PARVB: variants seen among roughly 807,000 people sequenced by gnomAD.
PARVB encodes beta-parvin.
In PARVB, 46 loss-of-function variants were observed where a neutral mutation model predicts 47.0. The ratio of observed to expected loss-of-function variants is 0.98; its 90% CI spans 0.77 to 1.25. PARVB has a LOEUF of 1.25. Among genes scored for constraint, PARVB ranks in the 50% most tolerant of loss-of-function variants. The pLI is 0.00. For missense variants in PARVB, 473 were observed against 471.6 expected (o/e 1.00, Z -0.03); for synonymous variants, 196 against 196.3 (o/e 1.00, Z 0.01).
chr22:44,008,478 T>G (rs919933357), intron 2 of PARVB, among the ~76,000 whole-genome samples: 11 of 152,230 alleles, frequency 7.2e-5, no homozygotes, highest in Admixed American at 3.3e-4. Context: ...AGCATGCTTC[T>G]GAGAAAAAAA....
chr22:44,075,035 A>G (rs916630147), intron 1 of PARVB, among the ~76,000 whole-genome samples: 2 of 152,158 alleles, frequency 1.3e-5, no homozygotes, highest in African/African-American at 4.8e-5. Flanking sequence ...CCTGGCCTCT[A>G]CACACGAGGT....
intron 4 of PARVB, among the ~76,000 whole-genome samples, chr22:44,126,245 A>G (rs1200304977): frequency 6.6e-6 from 1 of 152,226 alleles, no homozygotes; most frequent in Non-Finnish European, 1.5e-5. Context: ...ATTAACATCT[A>G]TATTTGGCTA....
At chr22:44,104,323 A>C (rs2052520011) in intron 3 of PARVB, 1 of 152,212 alleles carries the variant, frequency 6.6e-6, no homozygotes, top group South Asian at 2.1e-4. Context: ...ATTTTCCAAA[A>C]TAAGCATAGA....
chr22:44,083,603 G>A (rs2051957785), intron 1 of PARVB, among the ~76,000 whole-genome samples: 1 of 152,166 alleles, frequency 6.6e-6, no homozygotes, highest in Admixed American at 6.5e-5. Context: ...GACCTGAAGT[G>A]AAGGGCATTG....
intron 2 of PARVB, among the ~76,000 whole-genome samples, chr22:44,003,997 G>A (rs2050438550): frequency 6.6e-6 from 1 of 152,206 alleles, no homozygotes; most frequent in African/African-American, 2.4e-5. Context: ...GTTCTGTTTG[G>A]AGAACTTTGC....
upstream of PARVB, among the ~76,000 whole-genome samples, chr22:44,021,305 A>G (rs1424907302): frequency 6.6e-6 from 1 of 152,198 alleles, no homozygotes; most frequent in Non-Finnish European, 1.5e-5. Flanking sequence ...GGCAGGTCAG[A>G]GAATTTCTCC....
Position 44,155,757 on chromosome 22 carries a change from C to T in PARVB, c.844-2225C>T, listed in dbSNP as rs900518189. Among the ~76,000 whole-genome samples, 12 of 152,252 alleles carry T rather than the reference C, an allele frequency of 7.9e-5. No homozygotes were observed. The highest frequency in any genetic ancestry group is 2.9e-4 in the African/African-American group (12 of 41,556). Reference sequence around the variant, plus strand: ...ACACACTTAAAAGAATTCTTCAAACCCGTCTGATCTCCTTAATGATAGGAG... The same window carrying T: ...ACACACTTAAAAGAATTCTTCAAACTCGTCTGATCTCCTTAATGATAGGAG... On this transcript the variant is annotated intron_variant, in intron 10 of 12. Transcript: ENST00000338758. The surrounding 1 kb of genome is among the most constrained non-coding windows in gnomAD (Gnocchi z 4.8).
intron 1 of PARVB, among the ~76,000 whole-genome samples, chr22:44,085,037 A>G (rs1209668878): frequency 6.6e-6 from 1 of 152,162 alleles, no homozygotes; most frequent in Non-Finnish European, 1.5e-5. Context: ...TGCTCTTGTC[A>G]TTCTGGAGCA....
intron 2 of PARVB, among the ~76,000 whole-genome samples, chr22:44,097,762 G>A (rs934178004): frequency 6.6e-6 from 1 of 152,220 alleles, no homozygotes; most frequent in South Asian, 2.1e-4. Context: ...CTCTAGGCGG[G>A]GTCAGGAATG....
chr22:44,057,165 A>T (rs1251552114), intron 1 of PARVB, among the ~76,000 whole-genome samples: 2 of 152,050 alleles, frequency 1.3e-5, no homozygotes, highest in Non-Finnish European at 2.9e-5. Context: ...ATTTGTGGGA[A>T]AATTAAACAC....
At chr22:44,121,597 C>T (rs540957855) in intron 4 of PARVB, among the ~76,000 whole-genome samples, 2 of 151,870 alleles carry the variant, frequency 1.3e-5, no homozygotes, top group Admixed American at 6.5e-5. Context: ...AACACATTCC[C>T]CTGGACTGAT....
chr22:44,073,094 G>T (rs2051690159), intron 1 of PARVB, among the ~76,000 whole-genome samples: 1 of 152,176 alleles, frequency 6.6e-6, no homozygotes, highest in African/African-American at 2.4e-5. Flanking sequence ...CTAAGCAGTT[G>T]TTCAATGAGT....
chr22:44,135,053 A>C (rs2053413322), intron 6 of PARVB, among the ~76,000 whole-genome samples: 1 of 152,144 alleles, frequency 6.6e-6, no homozygotes, highest in Admixed American at 6.5e-5. Context: ...AACCCTGAGT[A>C]TTCCATGGAG....
At chr22:44,147,578 T>G in intron 8 of PARVB, 2 of 573,576 alleles carry the variant, frequency 3.5e-6, no homozygotes, top group Non-Finnish European at 3.3e-6. Context: ...ATGCCATCTA[T>G]GTGTTTCATA....
chr22:44,021,474 A>G (rs544733341), upstream of PARVB, among the ~76,000 whole-genome samples: 9 of 152,336 alleles, frequency 5.9e-5, no homozygotes, highest in African/African-American at 2.2e-4. Flanking sequence ...CCAAAGATCC[A>G]ACATGATAAC....
intron 1 of PARVB, among the ~76,000 whole-genome samples, chr22:44,084,049 G>A (rs1034893184): frequency 9.2e-5 from 14 of 152,156 alleles, no homozygotes; most frequent in African/African-American, 3.1e-4. Context: ...CCCCTTCCCC[G>A]AGCTCTTTCG....
At chr22:44,070,605 G>A (rs1254560793) in intron 1 of PARVB, among the ~76,000 whole-genome samples, 1 of 152,170 alleles carries the variant, frequency 6.6e-6, no homozygotes, top group Non-Finnish European at 1.5e-5. Context: ...TTCTAGAGGA[G>A]AAACCAGAGG....
chr22:44,057,668 G>T (rs1027251498), intron 1 of PARVB, among the ~76,000 whole-genome samples: 9 of 152,088 alleles, frequency 5.9e-5, no homozygotes, highest in Admixed American at 5.2e-4. Flanking sequence ...TGTGCAGGGG[G>T]CCCGGTGTCT....
rs757502142 is a variant in PARVB, at chr22:44,147,907, C to A, written c.759C>A (p.Leu253=). ...DTLFDHAPDK[L]SVVKKSLITF... is the part of the protein sequence containing the mutation. Reference sequence around the variant, plus strand: ...TGTTCGACCACGCCCCGGATAAGCTCAGCGTGGTGAAGAAGGTGAGCTATT... The same window carrying A: ...TGTTCGACCACGCCCCGGATAAGCTAAGCGTGGTGAAGAAGGTGAGCTATT... The change falls in exon 9 of 13, where the codon CTC becomes CTA. Residue 253 remains leucine (L), a synonymous_variant. Coordinates refer to ENST00000338758, the MANE Select transcript of PARVB (RefSeq NM_013327.5). The A allele has an allele frequency of 1.2e-6, 2 of 1,613,884 alleles. No homozygotes were observed. Among genetic ancestry groups the A allele is most frequent in the Non-Finnish European group, 1.7e-6 (2 of 1,179,934 alleles).
Sources: gnomAD v4.1 joint callset for allele counts (sites outside exome capture counted in the v4.1 genomes callset) on GRCh38, gnomAD v4.1.1 for gene constraint, Gnocchi (gnomAD v3.1) non-coding constraint, MANE v1.5 for transcripts, NCBI Gene and HGNC (gene_info 2026-07-23, HGNC 2026-07-21) for gene names.